Variants in TRIB2 observed in about 807,000 individuals in gnomAD.
TRIB2 encodes tribbles homolog 2.
A neutral mutation model predicts 26.8 loss-of-function variants in TRIB2; 2 were observed. The observed-to-expected ratio is 0.07, with a 90% CI of 0.03 to 0.24. TRIB2 has a LOEUF of 0.24. Ranked by LOEUF, TRIB2 falls within the 10% of genes least tolerant of loss-of-function variation. The probability of loss-of-function intolerance (pLI) is 1.00; values close to 1 mark genes in which losing one functional copy is unlikely to be tolerated. For missense variants in TRIB2, 306 were observed against 449.0 expected, an observed-to-expected ratio of 0.68 and a Z score of 2.88; for synonymous variants, 189 against 187.3, an observed-to-expected ratio of 1.01 and a Z score of -0.08.
intron 2 of TRIB2, among the ~76,000 whole-genome samples, chr2:12,734,211 C>T (rs1302575355): frequency 3.9e-5 from 6 of 152,220 alleles, no homozygotes; most frequent in Non-Finnish European, 7.3e-5. Flanking sequence ...TGAGAAGTTA[C>T]TGGAGATAAC....
intron 1 of TRIB2, among the ~76,000 whole-genome samples, chr2:12,722,693 G>A (rs1002059714): frequency 4.6e-5 from 7 of 152,194 alleles, no homozygotes; most frequent in African/African-American, 1.7e-4. Flanking sequence ...GGGGGCTTGA[G>A]TTTTGGCTCA....
rs1014842323 is a variant in TRIB2, at chr2:12,718,479, G to T, written c.172G>T (p.Val58Phe). ...PPETPNLSHC[V>F]SCIGKYLLLE... ...CGAGACTCCGAACTTGTCGCATTGC[G>T]TTTCTTGTATCGGGAAATACTTATT... Residue 58 changes from valine to phenylalanine, a missense_variant, in exon 1 of 3, where the codon GTT (valine) becomes TTT (phenylalanine). By Grantham distance (50) the Val-to-Phe change is conservative. Around this residue, in one of 4 missense-constraint regions of TRIB2, gnomAD observed 99 missense variants for 106.5 expected, o/e 0.93. Coordinates refer to ENST00000155926, the MANE Select transcript of TRIB2 (RefSeq NM_021643.4). The surrounding 1 kb of genome is among the most constrained non-coding windows in gnomAD (Gnocchi z 4.0). 3 of 1,614,126 alleles carry T rather than the reference G, an allele frequency of 1.9e-6. No homozygotes were observed. Among genetic ancestry groups the T allele is most frequent in the Non-Finnish European group, 2.5e-6 (3 of 1,180,044 alleles).
intron 2 of TRIB2, among the ~76,000 whole-genome samples, chr2:12,739,905 T>C (rs1384881345): frequency 2.6e-5 from 4 of 152,206 alleles, no homozygotes; most frequent in Non-Finnish European, 5.9e-5. Flanking sequence ...CCAAAAGTTG[T>C]AGACAAAGCT....
chr2:12,721,379 T>C (rs1409192048), intron 1 of TRIB2, among the ~76,000 whole-genome samples: 2 of 152,226 alleles, frequency 1.3e-5, no homozygotes, highest in African/African-American at 4.8e-5. Flanking sequence ...TAAATAATCA[T>C]AACTCTGTGA....
Position 12,723,572 on chromosome 2 carries a change from G to C in TRIB2, c.563+20G>C. The C allele has an allele frequency of 6.2e-7, 1 of 1,608,358 alleles. No individual in the cohort carries two copies. Among genetic ancestry groups the C allele is most frequent in the Non-Finnish European group, 8.5e-7 (1 of 1,176,938 alleles). On this transcript the variant is annotated intron_variant, in intron 2 of 2. Transcript: ENST00000155926. ...AGAGAGGTAGGTCTCATCCTGTCCA[G>C]ACCTGGGTACTGTGATGGACTGCTC...
chr2:12,733,260 C>T (rs975648955), intron 2 of TRIB2, among the ~76,000 whole-genome samples: 3 of 152,230 alleles, frequency 2.0e-5, no homozygotes, highest in Non-Finnish European at 4.4e-5. Context: ...CCTGTATCTA[C>T]CTCATGAGCT....
intron 2 of TRIB2, among the ~76,000 whole-genome samples, chr2:12,739,341 C>T (rs1361238549): frequency 6.6e-6 from 1 of 152,150 alleles, no homozygotes; most frequent in African/African-American, 2.4e-5. Flanking sequence ...CTCACTGTAA[C>T]CTCCGCCTCC....
Position 12,717,513 on chromosome 2 carries a change from T to C in TRIB2, c.-795T>C. On this transcript the variant is annotated 5_prime_UTR_variant, in exon 1 of 3. Coordinates refer to ENST00000155926, the MANE Select transcript of TRIB2 (RefSeq NM_021643.4). This position sits in a 1 kb window ranked among gnomAD's most constrained non-coding sequence, Gnocchi z 4.8. ...GAGCCCAGGGCTTTGTCGCGGTACC[T>C]GCGCCCAGCCCGCGCCGCAACTCTG... 5 of 398,388 alleles carry C rather than the reference T, an allele frequency of 1.3e-5. No homozygotes were observed. Among genetic ancestry groups the C allele is most frequent in the Non-Finnish European group, 2.2e-5 (5 of 225,870 alleles). 24.7% of individuals were successfully genotyped at this position (398,388 alleles called of 1,614,324 possible). A position where few individuals can be genotyped will look rare whatever the true frequency, so the allele number is the denominator to read the frequency against.
In TRIB2 at chr2:12,740,242, C is replaced by T. The variant is rs1323223253; in HGVS notation, c.564-84C>T. The stretch of plus-strand genomic sequence containing the variant: ...AATGTGAATGAGGAGTCTTCAGAAA[C>T]ACTATAGTCGGTTATGTTATGATGC... On this transcript the variant is annotated intron_variant, in intron 2 of 2. Transcript: ENST00000155926. This position sits in a 1 kb window ranked among gnomAD's most constrained non-coding sequence, Gnocchi z 5.8. 7 of 1,311,468 alleles carry T rather than the reference C, an allele frequency of 5.3e-6. No individual in the cohort carries two copies. The highest frequency in any genetic ancestry group is 7.5e-6 in the Non-Finnish European group (7 of 936,708). 81.2% of individuals were successfully genotyped at this position (1,311,468 alleles called of 1,614,324 possible).
intron 1 of TRIB2, among the ~76,000 whole-genome samples, chr2:12,721,095 A>G (rs1437157164): frequency 6.6e-6 from 1 of 152,168 alleles, no homozygotes; most frequent in Non-Finnish European, 1.5e-5. Flanking sequence ...CCAAGCCCCT[A>G]AATGCCCCTG....
At chr2:12,727,575 TG>T (rs1469956778) in intron 2 of TRIB2, among the ~76,000 whole-genome samples, 67 of 152,304 alleles carry the variant, frequency 4.4e-4, no homozygotes, top group African/African-American at 1.6e-3. Context: ...CACAGGCACA[TG>T]TAGGGAGTGG....
intron 2 of TRIB2, among the ~76,000 whole-genome samples, chr2:12,723,793 A>G (rs1297665304): frequency 1.3e-5 from 2 of 152,246 alleles, no homozygotes; most frequent in Non-Finnish European, 2.9e-5. Flanking sequence ...CTGTGACCCA[A>G]TGAATATGTA....
intron 2 of TRIB2, among the ~76,000 whole-genome samples, chr2:12,727,263 C>T (rs1035027611): frequency 1.3e-5 from 2 of 152,116 alleles, no homozygotes; most frequent in East Asian, 1.9e-4. Flanking sequence ...TGTGACTCAC[C>T]GGGCAGGGCA....
At chr2:12,721,833 A>C (rs757377130) in intron 1 of TRIB2, among the ~76,000 whole-genome samples, 1 of 152,188 alleles carries the variant, frequency 6.6e-6, no homozygotes, top group Non-Finnish European at 1.5e-5. Flanking sequence ...TGAAGCTTAG[A>C]GCAACTTAAC....
intron 1 of TRIB2, among the ~76,000 whole-genome samples, chr2:12,720,744 A>G (rs928393986): frequency 3.3e-5 from 5 of 152,226 alleles, no homozygotes; most frequent in African/African-American, 9.6e-5. Flanking sequence ...ATAGGACACT[A>G]TTTGGAGGAA....
At position 12,723,420 on chromosome 2, in the gene TRIB2, G is replaced by C; in HGVS notation, c.431G>C (p.Cys144Ser). 1 of 1,614,240 alleles carries C rather than the reference G, an allele frequency of 6.2e-7. No individual in the cohort carries two copies. The highest frequency in any genetic ancestry group is 8.5e-7 in the Non-Finnish European group (1 of 1,180,040). ...YGDMHSFVRT[C>S]KKLREEEAAR... ...GACATGCATTCCTTCGTCCGCACCT[G>C]CAAGAAGCTGAGAGAGGAGGAGGCA... Residue 144 changes from cysteine (C) to serine (S), a missense_variant, in exon 2 of 3, where the codon TGC becomes TCC. Cys to Ser is a moderately radical substitution (Grantham distance 112, BLOSUM62 -1). Transcript: ENST00000155926.
intron 1 of TRIB2, among the ~76,000 whole-genome samples, chr2:12,721,835 C>A (rs1405990512): frequency 6.6e-6 from 1 of 152,190 alleles, no homozygotes; most frequent in Non-Finnish European, 1.5e-5. Context: ...AAGCTTAGAG[C>A]AACTTAACTC....
chr2:12,724,913 G>T, intron 2 of TRIB2: 2 of 1,488,390 alleles, frequency 1.3e-6, no homozygotes, highest in Admixed American at 5.0e-5. Flanking sequence ...CACCTTTCTT[G>T]GAGATTTAAT....
intron 2 of TRIB2, among the ~76,000 whole-genome samples, chr2:12,735,142 A>G (rs1308911809): frequency 6.6e-6 from 1 of 152,188 alleles, no homozygotes; most frequent in Admixed American, 6.5e-5. Flanking sequence ...TCCTCGTTGA[A>G]AGACGTAATC....
Sources: allele counts gnomAD v4.1 joint callset (sites outside exome capture counted in the v4.1 genomes callset), GRCh38; gene constraint gnomAD v4.1.1; regional missense constraint gnomAD v4.1.1; non-coding constraint Gnocchi (gnomAD v3.1); transcripts MANE v1.5; gene names NCBI Gene and HGNC (gene_info 2026-07-23, HGNC 2026-07-21).